Variants in FRMD1 observed in about 807,000 individuals in gnomAD.
FRMD1 encodes the protein FERM domain containing 1.
In FRMD1, 51 loss-of-function variants were observed where a neutral mutation model predicts 54.9. That is an observed-to-expected ratio of 0.93 (90% CI 0.74 to 1.17). The LOEUF (loss-of-function observed/expected upper bound fraction) is 1.17, where lower values mean the gene tolerates loss of function less well. Among genes scored for constraint, FRMD1 ranks in the 50% most tolerant of loss-of-function variants. The pLI is 0.00. For synonymous variants in FRMD1, 324 were observed against 306.4 expected (o/e 1.06, Z -0.60); for missense variants, 729 against 743.0 (o/e 0.98, Z 0.22).
rs2114938249 is a variant in FRMD1, at chr6:168,056,801, C to G, written c.*296G>C. ...ATGGGTGACAGGCTGCCTCAGGGGC[C>G]AACACCATGGCTCTCTGGACACTTG... On this transcript the variant is annotated 3_prime_UTR_variant, in exon 11 of 11. Transcript: ENST00000283309. 3.7e-6 allele frequency: 1 copy of G among 268,924 alleles called. No individual in the cohort carries two copies. The highest frequency in any genetic ancestry group is 1.3e-4 in the South Asian group (1 of 7,470). 16.7% of individuals were successfully genotyped at this position (268,924 alleles called of 1,614,324 possible).
chr6:168,092,695 C>T (rs1436739205), intron 1 of FRMD1, among the ~76,000 whole-genome samples: 1 of 152,238 alleles, frequency 6.6e-6, no homozygotes, highest in Non-Finnish European at 1.5e-5. Flanking sequence ...AGCCTCCAGA[C>T]TGCCAGGGCT....
chr6:168,060,372 G>T (rs967724665), intron 9 of FRMD1, among the ~76,000 whole-genome samples: 1 of 139,948 alleles, frequency 7.1e-6, no homozygotes, highest in Non-Finnish European at 1.6e-5. Context: ...TAGGAGTTGG[G>T]GGGGTGCTTC....
rs79894641 is a variant in FRMD1, at chr6:168,075,198, A to G, written c.304+47T>C. The G allele has an allele frequency of 4.7e-4, 718 of 1,537,016 alleles. 1 individual carries two copies. In the African/African-American group the frequency reaches 7.7e-3, roughly 17 times the overall value. ...TGCCCACCCCCTTGACCTCCAGCAG[A>G]TGCGGCCCCTGGGCATTCCTGCAGG... On this transcript the variant is annotated intron_variant, in intron 2 of 10. Coordinates refer to ENST00000283309, the MANE Select transcript of FRMD1 (RefSeq NM_024919.6).
Position 168,056,046 on chromosome 6 carries a change from G to A in FRMD1, c.*1051C>T, listed in dbSNP as rs980831008. 6.6e-6 allele frequency: 1 copy of A among 152,344 alleles called. No homozygotes were observed. The highest frequency in any genetic ancestry group is 1.5e-5 in the Non-Finnish European group (1 of 68,106). The allele number at this position is 152,344 out of a possible 1,614,324, so 9.4% of individuals were successfully genotyped here. On this transcript the variant is annotated 3_prime_UTR_variant, in exon 11 of 11. Transcript: ENST00000283309. ...TGGTGTTCAGGGCACAGGGCTGAAC[G>A]ATTGTGGCCTCTCAGTGCTCTGGGA...
chr6:168,070,864 G>C (rs1002092548), intron 2 of FRMD1, among the ~76,000 whole-genome samples: 3 of 152,242 alleles, frequency 2.0e-5, no homozygotes, highest in African/African-American at 7.2e-5. Flanking sequence ...TGGAAGGGGA[G>C]ATTCTGGCGT....
At chr6:168,080,269 G>A (rs1800790520), upstream of FRMD1, among the ~76,000 whole-genome samples, 1 of 151,812 alleles carries the variant, frequency 6.6e-6, no homozygotes, top group Non-Finnish European at 1.5e-5. Context: ...ACTGACACTG[G>A]CTCCCTCCCT....
intron 7 of FRMD1, chr6:168,062,584 G>T: frequency 1.5e-6 from 2 of 1,307,944 alleles, no homozygotes; most frequent in Non-Finnish European, 2.1e-6. Context: ...GCACCTCTTC[G>T]GGTGCAGAAT....
chr6:168,060,783 G>A lies in FRMD1; in HGVS notation c.1320C>T (p.Pro440=), dbSNP rs1799680209. ...SSSPRTSRSH[P]STRGDSQATR... ...CACCTTGGCTGTCACCACGTGTGCT[G>A]GGGTGGCTGCGGCTGGTCCTGGGGC... is the stretch of plus-strand genomic sequence containing the variant. The change falls in exon 9 of 11, where the codon CCC becomes CCT. Residue 440 remains proline, a synonymous_variant. Coordinates refer to ENST00000283309, the MANE Select transcript of FRMD1 (RefSeq NM_024919.6). The A allele has an allele frequency of 6.2e-7, 1 of 1,611,354 alleles. No individual in the cohort carries two copies. Among genetic ancestry groups the A allele is most frequent in the Admixed American group, 1.7e-5 (1 of 59,980 alleles).
At chr6:168,082,666 A>C (rs1307586901), upstream of FRMD1, among the ~76,000 whole-genome samples, 1 of 152,106 alleles carries the variant, frequency 6.6e-6, no homozygotes, top group African/African-American at 2.4e-5. Flanking sequence ...GATTCCCGAG[A>C]CCCACCGCAA....
chr6:168,063,822 C>A, intron 5 of FRMD1, 66 bp from the exon 6 acceptor site: 2 of 1,504,938 alleles, frequency 1.3e-6, no homozygotes. Flanking sequence ...TGCCAGCCCC[C>A]TGCTCCGAGA....
rs955664381 is a variant in FRMD1, at chr6:168,059,575, G to T, written c.1343-387C>A. Among the ~76,000 whole-genome samples, 3 of 152,172 alleles carry T rather than the reference G, an allele frequency of 2.0e-5. No homozygotes were observed. The highest frequency in any genetic ancestry group is 7.2e-5 in the African/African-American group (3 of 41,438). On this transcript the variant is annotated intron_variant, in intron 9 of 10. Transcript: ENST00000283309. The surrounding 1 kb of genome is among the most constrained non-coding windows in gnomAD (Gnocchi z 4.4). ...TAGGTGATGTTTTGTGACCCTGGATGGCCCTGGGTGACTGTAGGTGATGCT... is the reference window on the plus strand; with the variant it reads ...TAGGTGATGTTTTGTGACCCTGGATTGCCCTGGGTGACTGTAGGTGATGCT...
rs377594096 is a variant in FRMD1, at chr6:168,063,440, G to A, written c.804+161C>T. Reference sequence around the variant, plus strand: ...TCCTGATCCCACTCTTAGCCATGGGGGCTCCATCTATCCCTGCCCCGGGGT... The same window carrying A: ...TCCTGATCCCACTCTTAGCCATGGGAGCTCCATCTATCCCTGCCCCGGGGT... On this transcript the variant is annotated intron_variant, in intron 6 of 10. Coordinates refer to ENST00000283309, the MANE Select transcript of FRMD1 (RefSeq NM_024919.6). Among the ~76,000 whole-genome samples the A allele has an allele frequency of 1.3e-4, 19 of 150,444 alleles. No individual in the cohort carries two copies. In the East Asian group the frequency reaches 3.3e-3, roughly 27 times the overall value.
chr6:168,066,633 T>G, intron 4 of FRMD1, 122 bp downstream of exon 4: 1 of 1,439,144 alleles, frequency 6.9e-7, no homozygotes, highest in Non-Finnish European at 9.1e-7. Flanking sequence ...AGTGGGGTTG[T>G]TTGTTTGTTT....
chr6:168,072,220 C>T lies in FRMD1; in HGVS notation c.304+3025G>A, dbSNP rs545613528. Among the ~76,000 whole-genome samples the T allele has an allele frequency of 1.1e-4, 17 of 152,298 alleles. No homozygotes were observed. The East Asian group carries it at 1.7e-3, about 16-fold the overall frequency. On this transcript the variant is annotated intron_variant, in intron 2 of 10. Transcript: ENST00000283309. Reference sequence around the variant, plus strand: ...GGAGAGACGCCCTGCCCTGCACCCCCTGCTGGGAGGGGAGGTCCTTCCCCA... The same window carrying T: ...GGAGAGACGCCCTGCCCTGCACCCCTTGCTGGGAGGGGAGGTCCTTCCCCA...
chr6:168,080,886 C>T (rs531362215), upstream of FRMD1, among the ~76,000 whole-genome samples: 79 of 150,424 alleles, frequency 5.3e-4, no homozygotes, highest in Admixed American at 2.0e-3. Context: ...TGTGTGTGGG[C>T]GCTGGTGTGT....
chr6:168,081,861 C>T (rs112225286), upstream of FRMD1: 58 of 274,282 alleles, frequency 2.1e-4, no homozygotes, highest in African/African-American at 1.1e-3. Context: ...TTCCTAAATG[C>T]TCTGAAGTTT....
chr6:168,074,427 CAT>C (rs768919202), intron 2 of FRMD1, among the ~76,000 whole-genome samples: 3 of 151,478 alleles, frequency 2.0e-5, no homozygotes, highest in Admixed American at 6.6e-5. Flanking sequence ...GTGGTGCGCA[CAT>C]GTGTACATGT....
intron 1 of FRMD1, 61 bp downstream of exon 1, chr6:168,078,821 C>CA: frequency 8.1e-7 from 1 of 1,234,734 alleles, no homozygotes; most frequent in Admixed American, 2.8e-5. Context: ...CACGGCCACC[C>CA]GGAGCCCTGC....
At chr6:168,067,311 G>GTC in intron 3 of FRMD1, 56 bp downstream of exon 3, 1 of 1,162,522 alleles carries the variant, frequency 8.6e-7, no homozygotes, top group South Asian at 1.4e-5. Flanking sequence ...TGTCCCCGTG[G>GTC]CCCAGCACAG....
Sources: gnomAD v4.1 joint callset for allele counts (sites outside exome capture counted in the v4.1 genomes callset) on GRCh38, gnomAD v4.1.1 for gene constraint, Gnocchi (gnomAD v3.1) non-coding constraint, MANE v1.5 for transcripts, NCBI Gene and HGNC (gene_info 2026-07-23, HGNC 2026-07-21) for gene names.